TTN: variants seen among roughly 807,000 people sequenced by gnomAD.
TTN encodes the protein titin.
Under a neutral mutation model 3,223.0 loss-of-function variants are expected in TTN, and 1,525 were observed. The observed-to-expected ratio is 0.47, with a 90% CI of 0.45 to 0.49. The LOEUF is 0.49. Among genes scored for constraint, TTN ranks in the 20% least tolerant of loss-of-function variants. The pLI, the probability that TTN is intolerant of heterozygous loss-of-function variation, is 0.00. For missense variants in TTN, 40,786 were observed against 43,424.0 expected (o/e 0.94, Z 5.40); for synonymous variants, 14,094 against 15,161.0 (o/e 0.93, Z 5.17).
intron 79 of TTN, 50 bp from the exon 80 acceptor site, chr2:178,720,713 G>GAAAAA: frequency 6.7e-7 from 1 of 1,490,218 alleles, no homozygotes; most frequent in Non-Finnish European, 8.9e-7. Context: ...TACTATAAAG[G>GAAAAA]AAAAAAAAAT....
chr2:178,588,893 T>C lies in TTN; in HGVS notation c.62832A>G (p.Ile20944Met). The stretch of plus-strand genomic sequence containing the variant: ...TACTTTCTGTTGGAGGCCCTGTGCC[T>C]ATTTTATTTTCTGCACGGACTCTGA... ...YIFRVRAENK[I>M]GTGPPTESKP... Residue 20944 changes from isoleucine to methionine, a missense_variant, in exon 304 of 363, where the codon ATA becomes ATG. Coordinates refer to ENST00000589042, the MANE Select transcript of TTN (RefSeq NM_001267550.2). 4.3e-6 allele frequency: 7 copies of C among 1,613,182 alleles called. No homozygotes were observed. The highest frequency in any genetic ancestry group is 5.9e-6 in the Non-Finnish European group (7 of 1,179,542).
rs72648922 is a variant in TTN, at chr2:178,739,971, T to C, written c.13262A>G (p.Asn4421Ser). 1.6e-4 allele frequency: 262 copies of C among 1,613,784 alleles called. No homozygotes were observed. Among genetic ancestry groups the C allele is most frequent in the Non-Finnish European group, 2.1e-4 (243 of 1,179,830 alleles). Residue 4421 changes from asparagine (N) to serine (S), a missense_variant, in exon 48 of 363, where the codon AAT becomes AGT. Physicochemically the swap from Asn to Ser is conservative, Grantham distance 46. Transcript: ENST00000589042. Reference sequence around the variant, plus strand: ...AGCCTCGACCTCCACCTTTTCAATATTTCTTAGCCACTCAGAGAAAAGACC... The same window carrying C: ...AGCCTCGACCTCCACCTTTTCAATACTTCTTAGCCACTCAGAGAAAAGACC... The part of the protein sequence containing the change: ...QPGLFSEWLR[N>S]IEKVEVEAVN...
intron 102 of TTN, among the ~76,000 whole-genome samples, chr2:178,705,913 T>C (rs549859020): frequency 7.9e-4 from 121 of 152,376 alleles, no homozygotes; most frequent in African/African-American, 2.8e-3. Context: ...CTGGGGTTTC[T>C]TTATAGGCCA....
rs727504723 is a variant in TTN at position 178,562,728 on chromosome 2, T to C, written c.83404A>G (p.Ile27802Val). ...CTTGTAGTTTCTCGTTTTTCGACAA[T>C]GTAGTTTGTAATCTTAGCTCCACCA... is the stretch of plus-strand genomic sequence containing the variant. ...IDGGAKITNYIVEKRETTRKA... is the reference protein window; with the variant it reads ...IDGGAKITNYVVEKRETTRKA... Residue 27802 changes from isoleucine (I) to valine (V), a missense_variant, in exon 326 of 363, where the codon ATT becomes GTT. By Grantham distance (29) the Ile-to-Val change is conservative. Coordinates refer to ENST00000589042, the MANE Select transcript of TTN (RefSeq NM_001267550.2). 1.3e-5 allele frequency: 21 copies of C among 1,606,898 alleles called. No homozygotes were observed. Among genetic ancestry groups the C allele is most frequent in the African/African-American group, 2.7e-5 (2 of 74,466 alleles).
rs770601569 is a variant in TTN at position 178,778,885 on chromosome 2, C to G, written c.4197G>C (p.Val1399=). The change falls in exon 24 of 363, where the codon GTG becomes GTC. Residue 1399 remains valine (V), a synonymous_variant. Transcript: ENST00000589042. ...APTYIPTLEP[V]SRIRSLSPRS... ...ATTACAAGTCTTACCTGATTCTGCT[C>G]ACTGGCTCTAGTGTGGGAATGTAAG... 2.5e-6 allele frequency: 4 copies of G among 1,613,768 alleles called. No homozygotes were observed. The highest frequency in any genetic ancestry group is 3.4e-6 in the Non-Finnish European group (4 of 1,179,886).
intron 2 of TTN, among the ~76,000 whole-genome samples, chr2:178,803,748 A>T (rs2094178893): frequency 6.6e-6 from 1 of 152,056 alleles, no homozygotes; most frequent in Non-Finnish European, 1.5e-5. Context: ...TCGTTACAAT[A>T]CTACAGAAAG....
Position 178,608,896 on chromosome 2 carries a change from G to C in TTN, c.52115C>G (p.Pro17372Arg). Residue 17372 changes from proline (P) to arginine (R), a missense_variant, in exon 274 of 363, where the codon CCA becomes CGA. Physicochemically the swap from Pro to Arg is moderately radical, Grantham distance 103 (BLOSUM62 -2). Transcript: ENST00000589042. The part of the protein sequence containing the change: ...CTVSVLDTPG[P>R]PINFVFEDIR... Reference sequence around the variant, plus strand: ...ATCTTCAAATACAAAGTTGATTGGTGGTCCCGGTGTATCTAATATTTCAGA... The same window carrying C: ...ATCTTCAAATACAAAGTTGATTGGTCGTCCCGGTGTATCTAATATTTCAGA... The C allele has an allele frequency of 1.9e-6, 3 of 1,608,882 alleles. No individual in the cohort carries two copies. Among genetic ancestry groups the C allele is most frequent in the Non-Finnish European group, 2.5e-6 (3 of 1,178,970 alleles).
Position 178,630,261 on chromosome 2 carries a change from C to G in TTN, c.44261G>C (p.Ser14754Thr), listed in dbSNP as rs377344521. 4 of 1,613,034 alleles carry G rather than the reference C, an allele frequency of 2.5e-6. No individual in the cohort carries two copies. Among genetic ancestry groups the G allele is most frequent in the Non-Finnish European group, 3.4e-6 (4 of 1,179,442 alleles). Residue 14754 changes from serine to threonine, a missense_variant, in exon 239 of 363, where the codon AGT (serine) becomes ACT (threonine). By Grantham distance (58) the Ser-to-Thr change is moderately conservative (BLOSUM62 1). Coordinates refer to ENST00000589042, the MANE Select transcript of TTN (RefSeq NM_001267550.2). ...CTTACGCTTAACTCGGAGGTGGGCA[C>G]TAGATTTAACATTGGCAGCTTGGAA... Reference protein sequence around the residue: ...VDFQAANVKSSAHLRVKPRVI... With the variant: ...VDFQAANVKSTAHLRVKPRVI...
At position 178,597,745 on chromosome 2, in the gene TTN, T is replaced by C. The variant is rs2052104416; in HGVS notation, c.57337A>G (p.Ile19113Val). ...GGAGGCTTTCCAGACACATAGGCAATGATTCGGATCACCCCTCCAGCATGG... is the reference window on the plus strand; with the variant it reads ...GGAGGCTTTCCAGACACATAGGCAACGATTCGGATCACCCCTCCAGCATGG... Reference protein sequence around the residue: ...VVHAGGVIRIIAYVSGKPPPT... With the variant: ...VVHAGGVIRIVAYVSGKPPPT... Residue 19113 changes from isoleucine (I) to valine (V), a missense_variant, in exon 294 of 363, where the codon ATT (isoleucine) becomes GTT (valine). Coordinates refer to ENST00000589042, the MANE Select transcript of TTN (RefSeq NM_001267550.2). 1.2e-6 allele frequency: 2 copies of C among 1,613,154 alleles called. No homozygotes were observed. Among genetic ancestry groups the C allele is most frequent in the South Asian group, 2.2e-5 (2 of 91,072 alleles).
chr2:178,567,192 C>T lies in TTN; in HGVS notation c.78940G>A (p.Asp26314Asn). The T allele has an allele frequency of 6.2e-7, 1 of 1,613,080 alleles. No individual in the cohort carries two copies. Among genetic ancestry groups the T allele is most frequent in the Non-Finnish European group, 8.5e-7 (1 of 1,179,328 alleles). ...TAGTGAGAAATGTCACTGCCACCAT[C>T]TTGAAGTGGTGGAGACCATGTTAAA... ...CSLTWSPPLQ[D>N]GGSDISHYVV... Residue 26314 changes from aspartate to asparagine, a missense_variant, in exon 326 of 363, where the codon GAT becomes AAT. Physicochemically the swap from Asp to Asn is conservative, Grantham distance 23. Transcript: ENST00000589042.
In TTN at chr2:178,731,398, T is replaced by G. The variant is rs777761828; in HGVS notation, c.17368A>C (p.Ser5790Arg). 1 of 1,613,842 alleles carries G rather than the reference T, an allele frequency of 6.2e-7. No individual in the cohort carries two copies. Among genetic ancestry groups the G allele is most frequent in the Non-Finnish European group, 8.5e-7 (1 of 1,179,794 alleles). Residue 5790 changes from serine (S) to arginine (R), a missense_variant, in exon 59 of 363, where the codon AGT becomes CGT. Transcript: ENST00000589042. ...FENNVASLYL[S>R]GIEVKHDGKY... ...CCATCATGCTTGACTTCAATGCCAC[T>G]GAGGTACAAACTGGCCACATTGTTC...
At position 178,570,386 on chromosome 2, in the gene TTN, C is replaced by T. The variant is rs773286477; in HGVS notation, c.75746G>A (p.Arg25249His). Residue 25249 changes from arginine (R) to histidine (H), a missense_variant, in exon 326 of 363, where the codon CGC becomes CAC. Physicochemically the swap from Arg to His is conservative, Grantham distance 29. Transcript: ENST00000589042. ...NYIVERRETS[R>H]LVWTVVDANV... Reference sequence around the variant, plus strand: ...GGCATCAACCACAGTCCAAACTAAGCGGCTGGTTTCTCTCCTTTCCACAAT... The same window carrying T: ...GGCATCAACCACAGTCCAAACTAAGTGGCTGGTTTCTCTCCTTTCCACAAT... 3.4e-5 allele frequency: 55 copies of T among 1,613,070 alleles called. No homozygotes were observed. The highest frequency in any genetic ancestry group is 6.7e-5 in the East Asian group (3 of 44,710).
chr2:178,551,355 T>C (rs1699358091), intron 335 of TTN, 95 bp from the exon 336 acceptor site: 1 of 967,010 alleles, frequency 1.0e-6, no homozygotes. Context: ...ATAATTTTAA[T>C]AAATAAGTAA....
chr2:178,717,791 G>C lies in TTN; in HGVS notation c.25083C>G (p.Phe8361Leu). 1 of 1,607,588 alleles carries C rather than the reference G, an allele frequency of 6.2e-7. No individual in the cohort carries two copies. Among genetic ancestry groups the C allele is most frequent in the Non-Finnish European group, 8.5e-7 (1 of 1,176,650 alleles). The change falls in exon 87 of 363, where the codon TTC (phenylalanine) becomes TTG (leucine). Residue 8361 changes from phenylalanine to leucine, a missense_variant. Coordinates refer to ENST00000589042, the MANE Select transcript of TTN (RefSeq NM_001267550.2). ...LVIKARKLPPFFARKLKDVHE... is the reference protein window; with the variant it reads ...LVIKARKLPPLFARKLKDVHE... ...GAACGTCTTTCAGTTTTCTTGCAAA[G>C]AAAGGTGGAAGTTTGCGCGCTGTAA...
chr2:178,569,479 G>C lies in TTN; in HGVS notation c.76653C>G (p.Ile25551Met). ...EVKWGKVDGE[I>M]RDAAIIDVTS... ...TGACATCAATTATAGCTGCATCTCGGATTTCACCATCCACCTTTCCCCATT... is the reference window on the plus strand; with the variant it reads ...TGACATCAATTATAGCTGCATCTCGCATTTCACCATCCACCTTTCCCCATT... Residue 25551 changes from isoleucine to methionine, a missense_variant, in exon 326 of 363, where the codon ATC (isoleucine) becomes ATG (methionine). Ile to Met is a conservative substitution (Grantham distance 10, BLOSUM62 1). Transcript: ENST00000589042. 6.2e-7 allele frequency: 1 copy of C among 1,612,670 alleles called. No homozygotes were observed. Among genetic ancestry groups the C allele is most frequent in the Non-Finnish European group, 8.5e-7 (1 of 1,179,116 alleles).
rs370878642 is a variant in TTN, at chr2:178,636,229, C to T, written c.41342G>A (p.Arg13781His). The change falls in exon 226 of 363, where the codon CGT (arginine) becomes CAT (histidine). Residue 13781 changes from arginine (R) to histidine (H), a missense_variant. Physicochemically the swap from Arg to His is conservative, Grantham distance 29. Transcript: ENST00000589042. This position sits in a 1 kb window ranked among gnomAD's most constrained non-coding sequence, Gnocchi z 4.3. ...TTCCTCTTCCAGTGTTTTTACAAAACGCACAGGAAGTTCTATGGAGAATTT... is the reference window on the plus strand; with the variant it reads ...TTCCTCTTCCAGTGTTTTTACAAAATGCACAGGAAGTTCTATGGAGAATTT... ...AKLVVEELPV[R>H]FVKTLEEEVT... is the part of the protein sequence containing the mutation. 5.1e-5 allele frequency: 81 copies of T among 1,572,826 alleles called. No homozygotes were observed. Among genetic ancestry groups the T allele is most frequent in the Non-Finnish European group, 6.7e-5 (77 of 1,157,850 alleles).
rs757843701 is a variant in TTN, at chr2:178,584,729, T to C, written c.64912A>G (p.Asn21638Asp). Residue 21638 changes from asparagine to aspartate, a missense_variant, in exon 310 of 363, where the codon AAC (asparagine) becomes GAC (aspartate). Coordinates refer to ENST00000589042, the MANE Select transcript of TTN (RefSeq NM_001267550.2). Reference protein sequence around the residue: ...QEYIFRVRAENRFGISEPLTS... With the variant: ...QEYIFRVRAEDRFGISEPLTS... ...AGAGGCTCTGAAATGCCAAATCGGT[T>C]TTCAGCACGGACCCGGAAGATGTAC... is the stretch of plus-strand genomic sequence containing the variant. 5.0e-6 allele frequency: 8 copies of C among 1,613,316 alleles called. No homozygotes were observed. Among genetic ancestry groups the C allele is most frequent in the Non-Finnish European group, 6.8e-6 (8 of 1,179,574 alleles).
intron 58 of TTN, 45 bp downstream of exon 58, chr2:178,731,648 T>G: frequency 1.3e-6 from 2 of 1,573,778 alleles, no homozygotes; most frequent in Non-Finnish European, 1.7e-6. Flanking sequence ...AAAAAAAGAA[T>G]TGACTCTTCA....
chr2:178,714,717 C>T (rs2077201576), intron 90 of TTN, 144 bp from the exon 91 acceptor site: 2 of 1,016,544 alleles, frequency 2.0e-6, no homozygotes, highest in Non-Finnish European at 2.8e-6. Flanking sequence ...AGCAGGGACA[C>T]ATTAAAGTTT....
Sources: allele counts gnomAD v4.1 joint callset (sites outside exome capture counted in the v4.1 genomes callset), GRCh38; gene constraint gnomAD v4.1.1; non-coding constraint Gnocchi (gnomAD v3.1); transcripts MANE v1.5; gene names NCBI Gene and HGNC (gene_info 2026-07-23, HGNC 2026-07-21).